The following TRAK2 variants were observed in gnomAD, a reference collection of about 807,000 sequenced individuals.
The protein encoded by TRAK2 is trafficking kinesin-binding protein 2.
In TRAK2, 81 loss-of-function variants were observed where a neutral mutation model predicts 104.6. The observed-to-expected ratio is 0.77, with a 90% CI of 0.65 to 0.93. TRAK2 has a LOEUF of 0.93. Among genes scored for constraint, TRAK2 ranks in the 40% least tolerant of loss-of-function variants. The pLI is 0.00. For synonymous variants in TRAK2, 406 were observed against 394.4 expected (o/e 1.03, Z -0.35); for missense variants, 1,002 against 1,089.0 (o/e 0.92, Z 1.12).
intron 2 of TRAK2, among the ~76,000 whole-genome samples, chr2:201,416,049 A>C (rs551124940): frequency 1.4e-5 from 2 of 147,120 alleles, no homozygotes; most frequent in African/African-American, 4.9e-5. Flanking sequence ...CACATGGACA[A>C]AAAGCCAATT....
chr2:201,396,549 C>CTACAAATAAA (rs1951504719), intron 7 of TRAK2, among the ~76,000 whole-genome samples: 1 of 151,790 alleles, frequency 6.6e-6, no homozygotes, highest in South Asian at 2.1e-4. Flanking sequence ...AAATAAATAC[C>CTACAAATAAA]GATGATAAAG....
chr2:201,399,551 C>T, intron 4 of TRAK2, 58 bp from the exon 5 acceptor site: 1 of 1,353,754 alleles, frequency 7.4e-7, no homozygotes, highest in Admixed American at 1.8e-5. Flanking sequence ...AATGGCAGTT[C>T]AGAAATTTTG....
At chr2:201,381,668 T>C (rs923135187) in intron 15 of TRAK2, among the ~76,000 whole-genome samples, 8 of 152,180 alleles carry the variant, frequency 5.3e-5, no homozygotes, top group African/African-American at 1.9e-4. Context: ...GTAAACAGTT[T>C]ACCAACTTTT....
chr2:201,419,966 A>C (rs1400750037), intron 2 of TRAK2, among the ~76,000 whole-genome samples: 9 of 152,358 alleles, frequency 5.9e-5, no homozygotes, highest in Admixed American at 5.2e-4. Flanking sequence ...TTTCTGAATA[A>C]AAGTGTAGAA....
chr2:201,389,692 T>C lies in TRAK2; in HGVS notation c.1193+109A>G, dbSNP rs1461074645. On this transcript the variant is annotated intron_variant, in intron 11 of 15. Coordinates refer to ENST00000332624, the MANE Select transcript of TRAK2 (RefSeq NM_015049.3). ...AGGACACTGTGAGGAAAACACTGAA[T>C]AGTAAGCAAATTACTACTGAATCTC... 1.1e-5 allele frequency: 13 copies of C among 1,137,852 alleles called. No individual in the cohort carries two copies. In the South Asian group the frequency reaches 1.6e-4, roughly 14 times the overall value. 70.5% of individuals were successfully genotyped at this position (1,137,852 alleles called of 1,614,324 possible).
At chr2:201,413,878 T>C (rs1193668800) in intron 2 of TRAK2, among the ~76,000 whole-genome samples, 1 of 152,184 alleles carries the variant, frequency 6.6e-6, no homozygotes, top group Admixed American at 6.5e-5. Context: ...CCTCCAGGTG[T>C]CTAATCTACT....
chr2:201,395,531 A>G (rs929895468), intron 7 of TRAK2, 87 bp from the exon 8 acceptor site: 4 of 1,351,422 alleles, frequency 3.0e-6, no homozygotes, highest in Non-Finnish European at 3.9e-6. Context: ...ATCTTGTTTT[A>G]TAACAAGCAC....
intron 1 of TRAK2, among the ~76,000 whole-genome samples, chr2:201,433,988 C>T (rs1032821964): frequency 7.3e-5 from 11 of 151,678 alleles, no homozygotes; most frequent in South Asian, 2.1e-4. Flanking sequence ...GACCGAGTCT[C>T]GCTCTTTTGC....
chr2:201,384,278 C>T (rs1218889692), intron 14 of TRAK2, 62 bp from the exon 15 acceptor site: 3 of 1,218,446 alleles, frequency 2.5e-6, no homozygotes, highest in East Asian at 2.4e-5. Context: ...ATGTAAAAAG[C>T]TCATCATTAT....
intron 1 of TRAK2, among the ~76,000 whole-genome samples, chr2:201,445,522 T>C (rs1191685650): frequency 6.6e-6 from 1 of 152,196 alleles, no homozygotes; most frequent in Non-Finnish European, 1.5e-5. Flanking sequence ...AGATAATAAA[T>C]ATTTGATGAG....
chr2:201,403,593 G>A (rs888420662), intron 3 of TRAK2, among the ~76,000 whole-genome samples: 1 of 152,188 alleles, frequency 6.6e-6, no homozygotes, highest in African/African-American at 2.4e-5. Flanking sequence ...TTTAAAGTGT[G>A]AGCATATCTA....
At position 201,447,363 on chromosome 2, in the gene TRAK2, A is replaced by T. The variant is rs1951972483; in HGVS notation, c.-200+3987T>A. ...AACTTCTATCACCTAACCACAGCTT[A>T]AAGCCTTTTTGTATGTCATTCCTTT... On this transcript the variant is annotated intron_variant, in intron 1 of 15. Coordinates refer to ENST00000332624, the MANE Select transcript of TRAK2 (RefSeq NM_015049.3). The surrounding 1 kb of genome is among the most constrained non-coding windows in gnomAD (Gnocchi z 4.1). Among the ~76,000 whole-genome samples, 1 of 152,216 alleles carries T rather than the reference A, an allele frequency of 6.6e-6. No homozygotes were observed. The highest frequency in any genetic ancestry group is 1.5e-5 in the Non-Finnish European group (1 of 68,032).
chr2:201,381,042 C>G lies in TRAK2; in HGVS notation c.2246G>C (p.Gly749Ala). ...GCTGTGGTACACTTTGGCAGAGATG[C>G]CTCGCTCTTGTAGAAGTTTGGCCAA... ...MSLAKLLQER[G>A]ISAKVYHSPI... The change falls in exon 16 of 16, where the codon GGC becomes GCC. Residue 749 changes from glycine to alanine, a missense_variant. By Grantham distance (60) the Gly-to-Ala change is moderately conservative. Coordinates refer to ENST00000332624, the MANE Select transcript of TRAK2 (RefSeq NM_015049.3). 1 of 1,614,010 alleles carries G rather than the reference C, an allele frequency of 6.2e-7. No individual in the cohort carries two copies. The highest frequency in any genetic ancestry group is 8.5e-7 in the Non-Finnish European group (1 of 1,179,976).
At chr2:201,397,974 TG>T in intron 6 of TRAK2, 170 bp downstream of exon 6, 1 of 623,064 alleles carries the variant, frequency 1.6e-6, no homozygotes, top group Non-Finnish European at 2.8e-6. Context: ...CACTTTTCAG[TG>T]GGATCTAAGA....
chr2:201,408,315 T>G (rs1442514820), intron 2 of TRAK2, among the ~76,000 whole-genome samples: 1 of 151,028 alleles, frequency 6.6e-6, no homozygotes, highest in African/African-American at 2.4e-5. Flanking sequence ...AATTTTTAAT[T>G]TTTTAATTTT....
At chr2:201,432,362 T>G (rs560898180) in intron 1 of TRAK2, among the ~76,000 whole-genome samples, 1 of 152,348 alleles carries the variant, frequency 6.6e-6, no homozygotes, top group African/African-American at 2.4e-5. Flanking sequence ...TGTGCACTTT[T>G]TTCAGGGCCA....
intron 10 of TRAK2, among the ~76,000 whole-genome samples, chr2:201,390,496 A>G (rs1465219867): frequency 4.7e-5 from 7 of 149,076 alleles, no homozygotes; most frequent in Non-Finnish European, 7.4e-5. Flanking sequence ...CCCGGGAGGC[A>G]GAGCTTTCAG....
chr2:201,393,086 AAAC>A (rs1207888687), intron 9 of TRAK2, 40 bp from the exon 10 acceptor site: 1 of 1,564,718 alleles, frequency 6.4e-7, no homozygotes, highest in African/African-American at 1.4e-5. Flanking sequence ...TGCCTTCCCA[AAAC>A]AACATTAGGG....
At position 201,387,763 on chromosome 2, in the gene TRAK2, T is replaced by G; in HGVS notation, c.1636A>C (p.Ser546Arg). 1.9e-6 allele frequency: 3 copies of G among 1,613,956 alleles called. No individual in the cohort carries two copies. Among genetic ancestry groups the G allele is most frequent in the African/African-American group, 2.7e-5 (2 of 75,052 alleles). Reference protein sequence around the residue: ...TTQSEITDLSSASCLRGFMPE... With the variant: ...TTQSEITDLSRASCLRGFMPE... ...ATAAAACCTCGAAGGCAACTGGCAC[T>G]GCTGAGGTCTGTGATCTCTGACTGG... Residue 546 changes from serine to arginine, a missense_variant, in exon 13 of 16, where the codon AGT (serine) becomes CGT (arginine). By Grantham distance (110) the Ser-to-Arg change is moderately radical (BLOSUM62 -1). Coordinates refer to ENST00000332624, the MANE Select transcript of TRAK2 (RefSeq NM_015049.3).
Sources: gnomAD v4.1 joint callset for allele counts (sites outside exome capture counted in the v4.1 genomes callset) on GRCh38, gnomAD v4.1.1 for gene constraint, Gnocchi (gnomAD v3.1) non-coding constraint, MANE v1.5 for transcripts, NCBI Gene and HGNC (gene_info 2026-07-23, HGNC 2026-07-21) for gene names.